Variants in MGAT5 observed in about 807,000 individuals in gnomAD.
The protein encoded by MGAT5 is alpha-1,6-mannosylglycoprotein 6-beta-N-acetylglucosaminyltransferase A.
A neutral mutation model predicts 94.3 loss-of-function variants in MGAT5; 30 were observed. The ratio of observed to expected loss-of-function variants is 0.32; its 90% CI spans 0.24 to 0.43. The LOEUF (loss-of-function observed/expected upper bound fraction) is 0.43, where lower values mean the gene tolerates loss of function less well. Ranked by LOEUF, MGAT5 falls within the 20% of genes least tolerant of loss-of-function variation. The pLI, the probability that MGAT5 is intolerant of heterozygous loss-of-function variation, is 1.00. For synonymous variants in MGAT5, 310 were observed against 322.9 expected (o/e 0.96, Z 0.43); for missense variants, 691 against 905.5 (o/e 0.76, Z 3.04).
At chr2:134,387,332 A>ATATATATATATATATATATATTT in intron 10 of MGAT5, among the ~76,000 whole-genome samples, 2 of 24,264 alleles carry the variant, frequency 8.2e-5, no homozygotes, top group East Asian at 2.7e-3. Context: ...ATATATATAT[A>ATATATATATATATATATATATTT]TTTTTTTTTT....
intron 1 of MGAT5, among the ~76,000 whole-genome samples, chr2:134,121,993 C>G (rs1022012751): frequency 1.3e-5 from 2 of 152,098 alleles, no homozygotes; most frequent in African/African-American, 2.4e-5. Flanking sequence ...AATTTTCACC[C>G]TCCTCCCCCC....
At chr2:134,375,734 C>T (rs1451202451) in intron 10 of MGAT5, among the ~76,000 whole-genome samples, 2 of 152,124 alleles carry the variant, frequency 1.3e-5, no homozygotes, top group African/African-American at 4.8e-5. Flanking sequence ...ATCTCTTGAG[C>T]CCAAATGGGC....
At chr2:134,311,643 G>A (rs964652136) in intron 2 of MGAT5, among the ~76,000 whole-genome samples, 1 of 152,068 alleles carries the variant, frequency 6.6e-6, no homozygotes, top group Non-Finnish European at 1.5e-5. Flanking sequence ...TTTAAGCATT[G>A]GCAGAAGTGA....
intron 9 of MGAT5, among the ~76,000 whole-genome samples, chr2:134,354,884 C>G (rs1679630167): frequency 6.6e-6 from 1 of 152,194 alleles, no homozygotes; most frequent in South Asian, 2.1e-4. Flanking sequence ...GACCTCTGAA[C>G]TAGGCACTAA....
At chr2:134,238,451 A>G (rs1313120067) in intron 1 of MGAT5, among the ~76,000 whole-genome samples, 1 of 152,220 alleles carries the variant, frequency 6.6e-6, no homozygotes, top group Non-Finnish European at 1.5e-5. Flanking sequence ...ATAGCAAATG[A>G]CACATGTGGC....
At chr2:134,349,025 C>T (rs934234228) in intron 8 of MGAT5, among the ~76,000 whole-genome samples, 1 of 152,128 alleles carries the variant, frequency 6.6e-6, no homozygotes, top group Non-Finnish European at 1.5e-5. Flanking sequence ...GGTGTGGCTG[C>T]ATTCAAGTAC....
intron 8 of MGAT5, 134 bp from the exon 9 acceptor site, chr2:134,349,671 A>G (rs891603783): frequency 2.0e-6 from 2 of 983,330 alleles, no homozygotes. Flanking sequence ...AAACATCACA[A>G]TTCTTGTCTG....
intron 5 of MGAT5, among the ~76,000 whole-genome samples, chr2:134,337,030 A>G (rs1688374554): frequency 6.6e-6 from 1 of 152,158 alleles, no homozygotes; most frequent in Non-Finnish European, 1.5e-5. Flanking sequence ...TAGCGCAGAG[A>G]GCAGCTGTAT....
intron 15 of MGAT5, among the ~76,000 whole-genome samples, chr2:134,445,520 A>G (rs1685725526): frequency 6.6e-6 from 1 of 152,174 alleles, no homozygotes; most frequent in East Asian, 1.9e-4. Flanking sequence ...TGTCCTGTGC[A>G]TTATAGGTCT....
intron 2 of MGAT5, among the ~76,000 whole-genome samples, chr2:134,286,734 T>C (rs1685033512): frequency 6.6e-6 from 1 of 152,232 alleles, no homozygotes; most frequent in East Asian, 1.9e-4. Context: ...TCTTGAATTT[T>C]GGAAAATGTC....
chr2:134,265,510 T>C (rs1283059655), intron 1 of MGAT5, among the ~76,000 whole-genome samples: 1 of 152,226 alleles, frequency 6.6e-6, no homozygotes, highest in Admixed American at 6.5e-5. Flanking sequence ...CCTTACCATT[T>C]ATCAAAGAAT....
At chr2:134,361,681 A>G (rs913592318) in intron 9 of MGAT5, among the ~76,000 whole-genome samples, 2 of 152,132 alleles carry the variant, frequency 1.3e-5, no homozygotes, top group African/African-American at 2.4e-5. Context: ...AGCAGGCTTT[A>G]CCTTTTATTC....
chr2:134,341,796 C>A (rs1558806979), intron 7 of MGAT5, 37 bp downstream of exon 7: 4 of 1,553,422 alleles, frequency 2.6e-6, no homozygotes, highest in Admixed American at 2.1e-5. Flanking sequence ...AATCAGAATA[C>A]AAAAAAGAAA....
chr2:134,392,265 T>C (rs2106254677), intron 10 of MGAT5, among the ~76,000 whole-genome samples: 1 of 152,364 alleles, frequency 6.6e-6, no homozygotes, highest in Non-Finnish European at 1.5e-5. Context: ...TGGAAGGTAC[T>C]CTAATTAGAG....
At chr2:134,446,438 A>C (rs1369184084) in intron 15 of MGAT5, among the ~76,000 whole-genome samples, 2 of 151,690 alleles carry the variant, frequency 1.3e-5, no homozygotes, top group African/African-American at 4.8e-5. Flanking sequence ...AATTCACCCA[A>C]AAAAAAAGGT....
intron 1 of MGAT5, among the ~76,000 whole-genome samples, chr2:134,143,658 T>G (rs990102913): frequency 6.6e-6 from 1 of 152,016 alleles, no homozygotes; most frequent in Admixed American, 6.6e-5. Flanking sequence ...GCTGGAATGG[T>G]TGGCTGAGGA....
chr2:134,128,351 A>C (rs901504161), intron 1 of MGAT5, among the ~76,000 whole-genome samples: 2 of 152,190 alleles, frequency 1.3e-5, no homozygotes, highest in African/African-American at 4.8e-5. Context: ...GTCTGCAGAA[A>C]GTTTCTGTGA....
intron 1 of MGAT5, among the ~76,000 whole-genome samples, chr2:134,215,167 A>G (rs976135575): frequency 6.6e-6 from 1 of 152,124 alleles, no homozygotes; most frequent in African/African-American, 2.4e-5. Context: ...CACCCATTCT[A>G]CCGTAGATGG....
intron 2 of MGAT5, among the ~76,000 whole-genome samples, chr2:134,297,533 A>G (rs1329471692): frequency 6.6e-6 from 1 of 152,236 alleles, no homozygotes; most frequent in Non-Finnish European, 1.5e-5. Flanking sequence ...GAAAAGGGTT[A>G]TATATAATGA....
Sources: allele counts gnomAD v4.1 joint callset (sites outside exome capture counted in the v4.1 genomes callset), GRCh38; gene constraint gnomAD v4.1.1; transcripts MANE v1.5; gene names NCBI Gene and HGNC (gene_info 2026-07-23, HGNC 2026-07-21).